DENND1A: variants seen among roughly 807,000 people sequenced by gnomAD.
DENND1A encodes DENN domain-containing protein 1A.
DENND1A carries 51 observed loss-of-function variants against 113.7 expected under a neutral mutation model. The observed-to-expected ratio is 0.45, with a 90% CI of 0.36 to 0.57. The LOEUF (loss-of-function observed/expected upper bound fraction) is 0.57, where lower values mean the gene tolerates loss of function less well. Ranked by LOEUF, DENND1A falls within the 20% of genes least tolerant of loss-of-function variation. The probability of loss-of-function intolerance (pLI) is 0.00; values close to 1 mark genes in which losing one functional copy is unlikely to be tolerated. For synonymous variants in DENND1A, 565 were observed against 570.8 expected (o/e 0.99, Z 0.14); for missense variants, 1,258 against 1,395.9 (o/e 0.90, Z 1.57).
chr9:123,805,456 CAG>C (rs1835381987), intron 2 of DENND1A, among the ~76,000 whole-genome samples: 3 of 144,688 alleles, frequency 2.1e-5, no homozygotes, highest in African/African-American at 5.2e-5. Flanking sequence ...TTTTTTGAGA[CAG>C]AGTCTCACTC....
intron 18 of DENND1A, among the ~76,000 whole-genome samples, chr9:123,445,783 C>T (rs1249132070): frequency 6.6e-6 from 1 of 152,204 alleles, no homozygotes; most frequent in African/African-American, 2.4e-5. Flanking sequence ...AGGAGAATCA[C>T]TTGAACCTGG....
At chr9:123,615,108 A>G (rs920792460) in intron 10 of DENND1A, among the ~76,000 whole-genome samples, 1 of 152,214 alleles carries the variant, frequency 6.6e-6, no homozygotes, top group Non-Finnish European at 1.5e-5. Flanking sequence ...GCTGCTCTTC[A>G]GGCTAATGTA....
chr9:123,776,423 A>T (rs551349370), intron 3 of DENND1A, among the ~76,000 whole-genome samples: 2 of 152,364 alleles, frequency 1.3e-5, no homozygotes, highest in East Asian at 3.9e-4. Context: ...AAACATTCTA[A>T]TTATTAAAAT....
At chr9:123,878,618 G>C (rs1365154562) in intron 2 of DENND1A, among the ~76,000 whole-genome samples, 2 of 152,266 alleles carry the variant, frequency 1.3e-5, no homozygotes, top group Admixed American at 1.3e-4. Flanking sequence ...TGGTAGACTA[G>C]AGGTGAAGCC....
intron 2 of DENND1A, 36 bp downstream of exon 2, chr9:123,878,911 ATAAG>A: frequency 6.2e-7 from 1 of 1,602,630 alleles, no homozygotes. Context: ...ATCTCAAACA[ATAAG>A]TAACACACCA....
intron 5 of DENND1A, among the ~76,000 whole-genome samples, chr9:123,750,774 C>T (rs1200763526): frequency 1.3e-5 from 2 of 152,222 alleles, no homozygotes; most frequent in Non-Finnish European, 2.9e-5. Flanking sequence ...GGAAGAAAGG[C>T]TGATTTCTCC....
At chr9:123,646,862 G>A (rs746178537) in intron 9 of DENND1A, among the ~76,000 whole-genome samples, 4 of 152,098 alleles carry the variant, frequency 2.6e-5, no homozygotes, top group Non-Finnish European at 4.4e-5. Context: ...GAGGACAGAC[G>A]GTTCATCCAC....
At chr9:123,680,687 C>T (rs536504625) in intron 5 of DENND1A, among the ~76,000 whole-genome samples, 8 of 152,332 alleles carry the variant, frequency 5.3e-5, no homozygotes, top group South Asian at 2.1e-4. Flanking sequence ...TTTGTGTACA[C>T]GTGGATGACT....
intron 13 of DENND1A, among the ~76,000 whole-genome samples, chr9:123,491,723 G>A (rs1292236808): frequency 6.6e-6 from 1 of 152,154 alleles, no homozygotes; most frequent in African/African-American, 2.4e-5. Flanking sequence ...CAGGACCCTG[G>A]GAGCCCTAGA....
intron 21 of DENND1A, among the ~76,000 whole-genome samples, chr9:123,389,681 G>T (rs1361441685): frequency 6.6e-6 from 1 of 152,226 alleles, no homozygotes; most frequent in Non-Finnish European, 1.5e-5. Flanking sequence ...TTGGTGGTAT[G>T]GTGAGTAAAT....
chr9:123,425,540 G>A (rs1564464962), intron 19 of DENND1A, among the ~76,000 whole-genome samples: 2 of 152,258 alleles, frequency 1.3e-5, no homozygotes, highest in Non-Finnish European at 2.9e-5. Context: ...AAGGGCACAA[G>A]GAGTGAGTGG....
chr9:123,440,316 A>AG, intron 19 of DENND1A, 44 bp downstream of exon 19: 1 of 1,465,168 alleles, frequency 6.8e-7, no homozygotes. Flanking sequence ...AAACAAAAAT[A>AG]AAAAAAAAAC....
At chr9:123,855,290 G>A (rs1843992091) in intron 2 of DENND1A, among the ~76,000 whole-genome samples, 1 of 151,062 alleles carries the variant, frequency 6.6e-6, no homozygotes, top group African/African-American at 2.5e-5. Context: ...GTGCCAAGAG[G>A]GAGGGTATCT....
At chr9:123,399,516 C>T (rs371552308) in intron 21 of DENND1A, among the ~76,000 whole-genome samples, 23 of 152,278 alleles carry the variant, frequency 1.5e-4, no homozygotes, top group East Asian at 5.8e-4. Flanking sequence ...TACAGGTACA[C>T]GCCACCATGC....
intron 3 of DENND1A, among the ~76,000 whole-genome samples, chr9:123,791,253 C>T (rs913441257): frequency 6.6e-6 from 1 of 151,834 alleles, no homozygotes; most frequent in Non-Finnish European, 1.5e-5. Flanking sequence ...CTAAATAATA[C>T]GTTAAGATTT....
In DENND1A at chr9:123,454,713, G is replaced by A. The variant is rs977022528; in HGVS notation, c.1227+26C>T. On this transcript the variant is annotated intron_variant, in intron 16 of 23. Coordinates refer to ENST00000394215, the MANE Select transcript of DENND1A (RefSeq NM_001352964.2). ...CAGGAAGCTAAGGAGGGAGTCCAGGGGGCTCTGAATTGGGTGCATGCTTAC... is the reference window on the plus strand; with the variant it reads ...CAGGAAGCTAAGGAGGGAGTCCAGGAGGCTCTGAATTGGGTGCATGCTTAC... 64 of 1,552,444 alleles carry A rather than the reference G, an allele frequency of 4.1e-5. No homozygotes were observed. The East Asian group carries it at 1.4e-3, about 35-fold the overall frequency.
intron 5 of DENND1A, among the ~76,000 whole-genome samples, chr9:123,678,270 G>A (rs866289616): frequency 4.6e-5 from 7 of 152,158 alleles, no homozygotes; most frequent in East Asian, 1.9e-4. Context: ...AGTGCTCAGC[G>A]TTTACTGAGC....
chr9:123,398,124 A>G (rs2043228411), intron 21 of DENND1A, among the ~76,000 whole-genome samples: 1 of 152,228 alleles, frequency 6.6e-6, no homozygotes, highest in African/African-American at 2.4e-5. Flanking sequence ...TGTGAAGATT[A>G]AACAGGTGGC....
rs1841622815 is a variant in DENND1A, at chr9:123,840,189, A to G, written c.88+38762T>C. On this transcript the variant is annotated intron_variant, in intron 2 of 23. Coordinates refer to ENST00000394215, the MANE Select transcript of DENND1A (RefSeq NM_001352964.2). ...TAAGTCCCCTTTAAGCATCCCTTTAAGGTACTGACCATAAATGGTGTAATT... is the reference window on the plus strand; with the variant it reads ...TAAGTCCCCTTTAAGCATCCCTTTAGGGTACTGACCATAAATGGTGTAATT... Among the ~76,000 whole-genome samples the G allele has an allele frequency of 3.9e-5, 6 of 152,048 alleles. No homozygotes were observed. The South Asian group carries it at 1.2e-3, about 32-fold the overall frequency.
Sources: allele counts gnomAD v4.1 joint callset (sites outside exome capture counted in the v4.1 genomes callset), GRCh38; gene constraint gnomAD v4.1.1; transcripts MANE v1.5; gene names NCBI Gene and HGNC (gene_info 2026-07-23, HGNC 2026-07-21).